The following PLCE1 variants were observed in gnomAD, a reference collection of about 807,000 sequenced individuals.
The protein encoded by PLCE1 is 1-phosphatidylinositol 4,5-bisphosphate phosphodiesterase epsilon-1.
Under a neutral mutation model 242.8 loss-of-function variants are expected in PLCE1, and 119 were observed. The ratio of observed to expected loss-of-function variants is 0.49; its 90% confidence interval spans 0.42 to 0.57. PLCE1 has a LOEUF of 0.57. Among genes scored for constraint, PLCE1 ranks in the 20% least tolerant of loss-of-function variants. The pLI, the probability that PLCE1 is intolerant of heterozygous loss-of-function variation, is 0.00. For missense variants in PLCE1, 2,441 were observed against 2,788.8 expected, an observed-to-expected ratio of 0.88 and a Z score of 2.81; for synonymous variants, 945 against 1,017.4, an observed-to-expected ratio of 0.93 and a Z score of 1.35.
At position 94,203,777 on chromosome 10, in the gene PLCE1, C is replaced by A. The variant is rs544044650; in HGVS notation, c.1810-23529C>A. Among the ~76,000 whole-genome samples the A allele has an allele frequency of 7.2e-5, 11 of 152,322 alleles. No homozygotes were observed. The South Asian group carries it at 2.3e-3, about 32-fold the overall frequency. ...GATGAAGAGAAGAGCAAACAGGCCACAGACCTGGCTTCCCTTCCCAAGAGG... is the reference window on the plus strand; with the variant it reads ...GATGAAGAGAAGAGCAAACAGGCCAAAGACCTGGCTTCCCTTCCCAAGAGG... On this transcript the variant is annotated intron_variant, in intron 4 of 32. Transcript: ENST00000371380.
chr10:94,166,342 C>G (rs2764345), intron 3 of PLCE1, among the ~76,000 whole-genome samples: 105,056 of 152,056 alleles, frequency 0.69, 38,440 homozygotes, highest in Non-Finnish European at 0.8. Context: ...TTTTGTTTTG[C>G]CTCTCAAGAA....
At chr10:94,066,545 C>G (rs2044200533) in intron 2 of PLCE1, among the ~76,000 whole-genome samples, 1 of 152,124 alleles carries the variant, frequency 6.6e-6, no homozygotes, top group Non-Finnish European at 1.5e-5. Context: ...CTCCCAACTT[C>G]ACAGTGAAGT....
At position 94,235,986 on chromosome 10, in the gene PLCE1, G is replaced by T. The variant is rs769399012; in HGVS notation, c.2286G>T (p.Glu762Asp). ...GACAAAATGGCTTAAAGAATTCGGAGAAGGAGTCCACTGTCAACAGCATCT... is the reference window on the plus strand; with the variant it reads ...GACAAAATGGCTTAAAGAATTCGGATAAGGAGTCCACTGTCAACAGCATCT... ...RVGQNGLKNS[E>D]KESTVNSIFQ... The change falls in exon 7 of 33, where the codon GAG (glutamate) becomes GAT (aspartate). Residue 762 changes from glutamate (E) to aspartate (D), a missense_variant. This residue lies in a region of PLCE1 where 733 missense variants were observed against 754.2 expected (regional missense o/e 0.97). Transcript: ENST00000371380. 1 of 1,614,016 alleles carries T rather than the reference G, an allele frequency of 6.2e-7. No homozygotes were observed. Among genetic ancestry groups the T allele is most frequent in the South Asian group, 1.1e-5 (1 of 91,070 alleles).
intron 24 of PLCE1, among the ~76,000 whole-genome samples, chr10:94,300,622 G>A (rs2052999355): frequency 6.6e-6 from 1 of 152,094 alleles, no homozygotes; most frequent in Non-Finnish European, 1.5e-5. Context: ...TTAATACTTT[G>A]CACACAGTAG....
At chr10:94,315,851 T>C (rs2053554103) in intron 28 of PLCE1, among the ~76,000 whole-genome samples, 1 of 152,070 alleles carries the variant, frequency 6.6e-6, no homozygotes, top group Non-Finnish European at 1.5e-5. Flanking sequence ...TGATTTATGC[T>C]TCAACCATAA....
chr10:94,306,278 AC>A lies in PLCE1; in HGVS notation c.5623-148del. ...AGCCACCGCGCCCAGCCCTACAATC[AC>A]TTACTTTTTAAACAGTTTTATTCAT... is the stretch of plus-strand genomic sequence containing the variant. On this transcript the variant is annotated intron_variant, in intron 25 of 32. Coordinates refer to ENST00000371380, the MANE Select transcript of PLCE1 (RefSeq NM_016341.4). This position sits in a 1 kb window ranked among gnomAD's most constrained non-coding sequence, Gnocchi z 5.7. 1 of 1,413,386 alleles carries A rather than the reference AC, an allele frequency of 7.1e-7. No individual in the cohort carries two copies. Among genetic ancestry groups the A allele is most frequent in the East Asian group, 2.3e-5 (1 of 43,370 alleles). The allele number at this position is 1,413,386 out of a possible 1,614,324, so 87.6% of individuals were successfully genotyped here.
At chr10:94,323,695 A>G (rs6583937) in intron 30 of PLCE1, among the ~76,000 whole-genome samples, 47,603 of 152,130 alleles carry the variant, frequency 0.31, 7,841 homozygotes, top group Middle Eastern at 0.48. Flanking sequence ...ATGATAACTT[A>G]GTTAATATTA....
At chr10:94,204,928 A>G (rs777138011) in intron 4 of PLCE1, among the ~76,000 whole-genome samples, 1 of 152,224 alleles carries the variant, frequency 6.6e-6, no homozygotes, top group East Asian at 1.9e-4. Flanking sequence ...GACATAATTC[A>G]AAACATGACT....
chr10:94,228,830 G>T (rs2050041141), intron 5 of PLCE1, among the ~76,000 whole-genome samples: 2 of 152,262 alleles, frequency 1.3e-5, no homozygotes, highest in East Asian at 3.9e-4. Flanking sequence ...CAAAGCCTTG[G>T]AGAACAGGAG....
intron 2 of PLCE1, among the ~76,000 whole-genome samples, chr10:94,083,470 A>G (rs1285879290): frequency 6.6e-6 from 1 of 152,184 alleles, no homozygotes; most frequent in Non-Finnish European, 1.5e-5. Context: ...TTTACAGAAG[A>G]GGAAACTGAG....
At chr10:94,282,170 T>G (rs978519821) in intron 20 of PLCE1, among the ~76,000 whole-genome samples, 3 of 149,356 alleles carry the variant, frequency 2.0e-5, no homozygotes, top group Admixed American at 1.4e-4. Flanking sequence ...GCCCGGTTTA[T>G]CTCTGTGATC....
chr10:94,049,416 C>T (rs2043700480), intron 2 of PLCE1, among the ~76,000 whole-genome samples: 1 of 152,142 alleles, frequency 6.6e-6, no homozygotes, highest in Non-Finnish European at 1.5e-5. Flanking sequence ...TCTGACATGT[C>T]ACCTCTATCA....
At chr10:94,163,959 T>G (rs895494490) in intron 3 of PLCE1, among the ~76,000 whole-genome samples, 4 of 152,234 alleles carry the variant, frequency 2.6e-5, no homozygotes, top group Non-Finnish European at 5.9e-5. Context: ...TTCTTTTCTT[T>G]AAAAATGTTG....
chr10:94,055,596 G>A (rs1029522736), intron 2 of PLCE1, among the ~76,000 whole-genome samples: 5 of 152,178 alleles, frequency 3.3e-5, no homozygotes, highest in Admixed American at 2.6e-4. Context: ...GGGATTACAG[G>A]AGTGAATCAC....
chr10:94,304,423 T>C, intron 24 of PLCE1, 59 bp from the exon 25 acceptor site: 1 of 1,457,508 alleles, frequency 6.9e-7, no homozygotes, highest in South Asian at 1.1e-5. Context: ...ATTTATAAGG[T>C]GATACTTAAG....
At chr10:94,162,823 T>A (rs1436184600) in intron 3 of PLCE1, among the ~76,000 whole-genome samples, 1 of 152,224 alleles carries the variant, frequency 6.6e-6, no homozygotes, top group Non-Finnish European at 1.5e-5. Flanking sequence ...ACACACTGCT[T>A]TAAATGTGTC....
intron 5 of PLCE1, among the ~76,000 whole-genome samples, chr10:94,229,656 A>C (rs1428696891): frequency 1.3e-5 from 2 of 152,176 alleles, no homozygotes; most frequent in Non-Finnish European, 2.9e-5. Context: ...GGAGGCCTAG[A>C]GTGAATGGGA....
chr10:94,083,540 C>T (rs1298905657), intron 2 of PLCE1, among the ~76,000 whole-genome samples: 2 of 152,212 alleles, frequency 1.3e-5, no homozygotes, highest in Non-Finnish European at 2.9e-5. Context: ...AGACCAGAAC[C>T]TGCACCCAGA....
chr10:94,017,764 G>C (rs1044090892), intron 1 of PLCE1, among the ~76,000 whole-genome samples: 3 of 152,184 alleles, frequency 2.0e-5, no homozygotes, highest in African/African-American at 7.2e-5. Context: ...AGACTGGAGA[G>C]TTATTTAGTC....
Sources: allele counts gnomAD v4.1 joint callset (sites outside exome capture counted in the v4.1 genomes callset), GRCh38; gene constraint gnomAD v4.1.1; regional missense constraint gnomAD v4.1.1; non-coding constraint Gnocchi (gnomAD v3.1); transcripts MANE v1.5; gene names NCBI Gene and HGNC (gene_info 2026-07-23, HGNC 2026-07-21).